The following ITFG2 variants were observed in gnomAD, a reference collection of about 807,000 sequenced individuals.
ITFG2 encodes KICSTOR complex protein ITFG2.
A neutral mutation model predicts 54.4 loss-of-function variants in ITFG2; 36 were observed. The ratio of observed to expected loss-of-function variants is 0.66; its 90% CI spans 0.51 to 0.87. The LOEUF (loss-of-function observed/expected upper bound fraction) is 0.87, where lower values mean the gene tolerates loss of function less well. Ranked by LOEUF, ITFG2 falls within the 40% of genes least tolerant of loss-of-function variation. The pLI is 0.00. For missense variants in ITFG2, 524 were observed against 576.7 expected, an observed-to-expected ratio of 0.91 and a Z score of 0.94; for synonymous variants, 211 against 225.4, an observed-to-expected ratio of 0.94 and a Z score of 0.57.
Position 2,821,368 on chromosome 12 carries a change from G to C in ITFG2, c.793+9G>C. The stretch of plus-strand genomic sequence containing the variant: ...TGGCAACATCAAACAAGGTGAAAGT[G>C]TGGTGGGTGTGAGGGAGGGAGATGA... On this transcript the variant is annotated intron_variant, in intron 7 of 11. Coordinates refer to ENST00000228799, the MANE Select transcript of ITFG2 (RefSeq NM_018463.4). 1 of 1,597,490 alleles carries C rather than the reference G, an allele frequency of 6.3e-7. No homozygotes were observed. The highest frequency in any genetic ancestry group is 8.5e-7 in the Non-Finnish European group (1 of 1,170,242).
At position 2,818,205 on chromosome 12, in the gene ITFG2, G is replaced by A. The variant is rs551874254; in HGVS notation, c.334G>A (p.Gly112Arg). 18 of 1,613,994 alleles carry A rather than the reference G, an allele frequency of 1.1e-5. No homozygotes were observed. Among genetic ancestry groups the A allele is most frequent in the Admixed American group, 3.3e-5 (2 of 60,016 alleles). The change falls in exon 4 of 12, where the codon GGA (glycine) becomes AGA (arginine). Residue 112 changes from glycine to arginine, a missense_variant. Coordinates refer to ENST00000228799, the MANE Select transcript of ITFG2 (RefSeq NM_018463.4). ...DASGHHETLI[G>R]EEQRPVFKQH... ...TTCTGGGCACCACGAGACACTAATCGGAGAGGAGCAGCGTCCAGTCTTCAA... is the reference window on the plus strand; with the variant it reads ...TTCTGGGCACCACGAGACACTAATCAGAGAGGAGCAGCGTCCAGTCTTCAA...
Position 2,824,181 on chromosome 12 carries a change from G to T in ITFG2, c.1332G>T (p.Gln444His). Residue 444 changes from glutamine to histidine, a missense_variant, in exon 12 of 12, where the codon CAG becomes CAT. Gln to His is a conservative substitution (Grantham distance 24, BLOSUM62 0). Coordinates refer to ENST00000228799, the MANE Select transcript of ITFG2 (RefSeq NM_018463.4). ...QPPQCAPSSL[Q>H]DPT Reference sequence around the variant, plus strand: ...CACAGTGTGCTCCCTCAAGCCTCCAGGATCCCACCTAGCTGTACTTGCCTC... The same window carrying T: ...CACAGTGTGCTCCCTCAAGCCTCCATGATCCCACCTAGCTGTACTTGCCTC... The T allele has an allele frequency of 4.3e-6, 7 of 1,614,064 alleles. No homozygotes were observed. Among genetic ancestry groups the T allele is most frequent in the Non-Finnish European group, 5.9e-6 (7 of 1,179,996 alleles).
intron 6 of ITFG2, 122 bp downstream of exon 6, chr12:2,820,994 C>T: frequency 9.6e-7 from 1 of 1,047,070 alleles, no homozygotes; most frequent in Non-Finnish European, 1.4e-6. Flanking sequence ...GGTCCCAACC[C>T]AAGCACCTTT....
rs1262452682 is a variant in ITFG2, at chr12:2,855,542, C to T, written n.301-2470C>T. The T allele has an allele frequency of 9.4e-6, 9 of 962,534 alleles. No individual in the cohort carries two copies. The Admixed American group carries it at 3.0e-4, about 32-fold the overall frequency. 59.6% of individuals were successfully genotyped at this position (962,534 alleles called of 1,614,324 possible). A position where few individuals can be genotyped will look rare whatever the true frequency, so the allele number is the denominator to read the frequency against. ...CCGCTCTCCTTCCCAGGCACGACCT[C>T]TGCCAGCCCAGGATTCTCATGAGGA... On this transcript the variant is annotated intron_variant and non_coding_transcript_variant, in intron 2 of 3. Transcript: ENST00000537710.
rs141396146 is a variant in ITFG2, at chr12:2,823,852, G to A, written c.1149G>A (p.Glu383=). The part of the protein sequence containing the change: ...TFNQKIYVYW[E]VQLERMESTN... ...ACCAGAAGATCTATGTGTACTGGGA[G>A]GTGCAGCTGGAGCGGATGGAGTCTA... The change falls in exon 11 of 12, where the codon GAG becomes GAA. Residue 383 remains glutamate (E), a synonymous_variant. Transcript: ENST00000228799. The A allele has an allele frequency of 6.2e-7, 1 of 1,612,964 alleles. No individual in the cohort carries two copies. Among genetic ancestry groups the A allele is most frequent in the Non-Finnish European group, 8.5e-7 (1 of 1,179,456 alleles).
At chr12:2,817,786 T>C in intron 2 of ITFG2, 123 bp from the exon 3 acceptor site, 4 of 887,848 alleles carry the variant, frequency 4.5e-6, no homozygotes, top group Admixed American at 2.5e-5. Context: ...CCATGGTTCA[T>C]ATGGCGAAAG....
rs1406762463 is a variant in ITFG2, at chr12:2,822,907, T to C, written c.1062T>C (p.Cys354=). 1.9e-6 allele frequency: 3 copies of C among 1,613,552 alleles called. No homozygotes were observed. Among genetic ancestry groups the C allele is most frequent in the African/African-American group, 2.7e-5 (2 of 75,022 alleles). The change falls in exon 10 of 12, where the codon TGT becomes TGC. Residue 354 remains cysteine (C), a synonymous_variant. Transcript: ENST00000228799. ...FQVDENIRAF[C]AGLYACKEGR... ...TGGATGAAAATATCCGTGCCTTCTG[T>C]GCAGGTGACCCCCGCCCCCATGGCC...
At chr12:2,829,816 G>A (rs112603325), downstream of ITFG2, among the ~76,000 whole-genome samples, 1,683 of 148,784 alleles carry the variant, frequency 0.011, 31 homozygotes, top group African/African-American at 0.038. Context: ...GGTGGCTCAC[G>A]CCTGTAATCC....
chr12:2,842,492 A>AG (rs369641965), intron 2 of ITFG2, among the ~76,000 whole-genome samples: 151,909 of 152,040 alleles, frequency 1, 75,889 homozygotes, highest in East Asian at 1. Context: ...CTGTAATCCC[A>AG]CATTTTTGGA....
intron 2 of ITFG2, among the ~76,000 whole-genome samples, chr12:2,847,536 G>A (rs557332679): frequency 8.7e-4 from 133 of 152,042 alleles, no homozygotes; most frequent in Middle Eastern, 3.4e-3. Context: ...GCATCGTGGC[G>A]CACGCCTGTA....
chr12:2,855,343 G>C (rs920610938), intron 2 of ITFG2: 37 of 1,531,870 alleles, frequency 2.4e-5, no homozygotes, highest in Non-Finnish European at 2.9e-5. Context: ...CTGGTGGTAG[G>C]CTTGCCGGGT....
chr12:2,854,932 G>A (rs1338850811), intron 2 of ITFG2: 6 of 1,536,044 alleles, frequency 3.9e-6, no homozygotes, highest in Non-Finnish European at 5.2e-6. Flanking sequence ...GTTGCCCTGG[G>A]CATCGAGTGG....
chr12:2,852,611 CACTTCGGCCTCCCAAAGTGTTGGG>C (rs1250071063), intron 2 of ITFG2, among the ~76,000 whole-genome samples: 2 of 152,120 alleles, frequency 1.3e-5, no homozygotes, highest in Non-Finnish European at 2.9e-5. Flanking sequence ...GCGATCCTCC[CACTTCGGCCTCCCAAAGTGTTGGG>C]ATTACAGGCA....
intron 2 of ITFG2, chr12:2,857,051 G>A (rs770197983): frequency 1.1e-4 from 78 of 702,754 alleles, no homozygotes; most frequent in Non-Finnish European, 1.8e-4. Context: ...GAGCCAGGAG[G>A]GGCGGCTTTG....
intron 2 of ITFG2, among the ~76,000 whole-genome samples, chr12:2,851,640 G>A (rs2098071333): frequency 6.6e-6 from 1 of 151,782 alleles, no homozygotes; most frequent in Admixed American, 6.6e-5. Flanking sequence ...ACCACGCCCG[G>A]CCGCTAAATT....
intron 4 of ITFG2, 102 bp downstream of exon 4, chr12:2,818,379 T>C: frequency 6.4e-7 from 1 of 1,551,428 alleles, no homozygotes; most frequent in Non-Finnish European, 8.7e-7. Flanking sequence ...CGTATTCATG[T>C]ATGCATTTGT....
At chr12:2,820,637 C>T (rs2097940586) in intron 5 of ITFG2, 87 bp from the exon 6 acceptor site, 1 of 288,202 alleles carries the variant, frequency 3.5e-6, no homozygotes, top group African/African-American at 2.2e-5. Flanking sequence ...TGCCCCCGCC[C>T]CCGCCCACCC....
At chr12:2,815,854 C>T (rs1352018334) in intron 1 of ITFG2, among the ~76,000 whole-genome samples, 1 of 152,052 alleles carries the variant, frequency 6.6e-6, no homozygotes, top group Non-Finnish European at 1.5e-5. Context: ...GTTGTGTTGG[C>T]CTCAAAAGAT....
At chr12:2,853,082 A>G (rs2098076160) in intron 2 of ITFG2, among the ~76,000 whole-genome samples, 1 of 152,098 alleles carries the variant, frequency 6.6e-6, no homozygotes, top group Non-Finnish European at 1.5e-5. Context: ...AATACAGAGA[A>G]GTGTTTGGCA....
Sources: gnomAD v4.1 joint callset for allele counts (sites outside exome capture counted in the v4.1 genomes callset) on GRCh38, gnomAD v4.1.1 for gene constraint, MANE v1.5 for transcripts, NCBI Gene and HGNC (gene_info 2026-07-23, HGNC 2026-07-21) for gene names.